Variants in MARK1 observed in about 807,000 individuals in gnomAD.
MARK1 encodes microtubule affinity regulating kinase 1, also known as serine/threonine-protein kinase MARK1.
In MARK1, 40 loss-of-function variants were observed where a neutral mutation model predicts 96.3. The ratio of observed to expected loss-of-function variants is 0.42; its 90% CI spans 0.32 to 0.54. MARK1 has a LOEUF of 0.54. Among genes scored for constraint, MARK1 ranks in the 20% least tolerant of loss-of-function variants. The pLI is 0.16. For missense variants in MARK1, 719 were observed against 984.6 expected (o/e 0.73, Z 3.61); for synonymous variants, 317 against 341.2 (o/e 0.93, Z 0.78).
At chr1:220,579,034 G>A (rs115071399) in intron 1 of MARK1, among the ~76,000 whole-genome samples, 2,015 of 152,044 alleles carry the variant, frequency 0.013, 37 homozygotes, top group African/African-American at 0.046. Flanking sequence ...TAGAGATGGG[G>A]TTTCACTGTT....
chr1:220,648,736 A>C (rs1668712316), intron 13 of MARK1, among the ~76,000 whole-genome samples: 1 of 152,250 alleles, frequency 6.6e-6, no homozygotes, highest in South Asian at 2.1e-4. Context: ...CAAAATTATG[A>C]GATTATCAAA....
chr1:220,592,349 A>C (rs902597449), intron 3 of MARK1, among the ~76,000 whole-genome samples: 2 of 151,880 alleles, frequency 1.3e-5, no homozygotes, highest in African/African-American at 2.4e-5. Flanking sequence ...GGAGAAGTCC[A>C]CTTGGCAAGG....
chr1:220,548,203 A>T (rs953598359), intron 1 of MARK1, among the ~76,000 whole-genome samples: 1 of 152,220 alleles, frequency 6.6e-6, no homozygotes, highest in Non-Finnish European at 1.5e-5. Context: ...AATTCTGGTC[A>T]TTTTTTGGTG....
At chr1:220,593,423 T>C (rs577643376) in intron 3 of MARK1, among the ~76,000 whole-genome samples, 1 of 152,324 alleles carries the variant, frequency 6.6e-6, no homozygotes, top group East Asian at 1.9e-4. Context: ...AAAAAATTAC[T>C]TGGTTACATT....
At chr1:220,563,068 G>T (rs1396467262) in intron 1 of MARK1, among the ~76,000 whole-genome samples, 1 of 152,108 alleles carries the variant, frequency 6.6e-6, no homozygotes, top group Non-Finnish European at 1.5e-5. Context: ...GGCCAGGGCT[G>T]TCTTTATTGC....
chr1:220,661,686 G>T (rs1450668668), intron 17 of MARK1, 126 bp from the exon 18 acceptor site: 2 of 647,236 alleles, frequency 3.1e-6, no homozygotes, highest in Non-Finnish European at 5.3e-6. Flanking sequence ...CCATCTGAGG[G>T]TGGTCTGCAA....
At chr1:220,619,865 G>A (rs886503053) in intron 9 of MARK1, among the ~76,000 whole-genome samples, 1 of 152,098 alleles carries the variant, frequency 6.6e-6, no homozygotes, top group Non-Finnish European at 1.5e-5. Flanking sequence ...TAATAGAAAG[G>A]GTAGAGAATT....
chr1:220,541,634 A>T (rs542284390), intron 1 of MARK1, among the ~76,000 whole-genome samples: 12 of 152,228 alleles, frequency 7.9e-5, no homozygotes, highest in Admixed American at 7.2e-4. Flanking sequence ...TCATGAATTG[A>T]TGCTTTTATC....
At chr1:220,625,539 TC>T (rs1558306761) in intron 9 of MARK1, among the ~76,000 whole-genome samples, 1 of 152,096 alleles carries the variant, frequency 6.6e-6, no homozygotes, top group Non-Finnish European at 1.5e-5. Flanking sequence ...AACAGAAAGG[TC>T]CCAGGCTTTA....
At chr1:220,528,910 C>A in intron 1 of MARK1, 37 bp downstream of exon 1, 1 of 1,531,952 alleles carries the variant, frequency 6.5e-7, no homozygotes, top group Non-Finnish European at 8.8e-7. Context: ...GCAGTGGGGG[C>A]GAGACCCTCC....
At chr1:220,589,803 A>G (rs916602736) in intron 3 of MARK1, among the ~76,000 whole-genome samples, 5 of 152,300 alleles carry the variant, frequency 3.3e-5, no homozygotes, top group East Asian at 1.9e-4. Context: ...AAAGAAAAAG[A>G]ACTGAAAATT....
rs138133604 is a variant in MARK1 at position 220,584,222 on chromosome 1, C to G, written c.309+3104C>G. ...TGTATTACTTATTAATTTACATTTT[C>G]TATTGTTTTACTGTGTTATATTATG... On this transcript the variant is annotated intron_variant, in intron 3 of 17. Transcript: ENST00000366917. 2.9e-3 allele frequency among the ~76,000 whole-genome samples: 435 copies of G among 152,170 alleles called. 5 individuals carry two copies. Among genetic ancestry groups the G allele is most frequent in the African/African-American group, 0.01 (418 of 41,524 alleles).
At chr1:220,535,289 T>G (rs1558241055) in intron 1 of MARK1, among the ~76,000 whole-genome samples, 1 of 152,166 alleles carries the variant, frequency 6.6e-6, no homozygotes, top group Non-Finnish European at 1.5e-5. Flanking sequence ...AAAGTAAATA[T>G]CTTACTGTGG....
chr1:220,539,811 A>G (rs901956522), intron 1 of MARK1, among the ~76,000 whole-genome samples: 3 of 151,216 alleles, frequency 2.0e-5, no homozygotes, highest in African/African-American at 4.9e-5. Context: ...ATTGATATGC[A>G]TTAGGGATAT....
At chr1:220,656,567 A>C (rs1006523230) in intron 16 of MARK1, among the ~76,000 whole-genome samples, 1 of 152,178 alleles carries the variant, frequency 6.6e-6, no homozygotes, top group African/African-American at 2.4e-5. Flanking sequence ...TGTGTATATC[A>C]GTTCATCTAC....
chr1:220,630,680 A>C (rs1271234542), intron 9 of MARK1, among the ~76,000 whole-genome samples: 1 of 152,244 alleles, frequency 6.6e-6, no homozygotes, highest in Non-Finnish European at 1.5e-5. Context: ...AAAACAGGAA[A>C]AAATTATAAT....
chr1:220,626,144 G>C lies in MARK1; in HGVS notation c.910-4891G>C. The C allele has an allele frequency of 4.9e-6, 3 of 615,676 alleles. No individual in the cohort carries two copies. The Admixed American group carries it at 5.9e-5, about 12-fold the overall frequency. 38.1% of individuals were successfully genotyped at this position (615,676 alleles called of 1,614,324 possible). A position where few individuals can be genotyped will look rare whatever the true frequency, so the allele number is the denominator to read the frequency against. ...ATAGACATCGCTGTGAATTGGGCTG[G>C]GGGCCTGAACCATGCCAAGAAGCCT... is the stretch of plus-strand genomic sequence containing the variant. On this transcript the variant is annotated intron_variant, in intron 9 of 17. Coordinates refer to ENST00000366917, the MANE Select transcript of MARK1 (RefSeq NM_018650.5).
Position 220,635,483 on chromosome 1 carries a change from G to T in MARK1, c.1230G>T (p.Gln410His). The change falls in exon 12 of 18, where the codon CAG (glutamine) becomes CAT (histidine). Residue 410 changes from glutamine to histidine, a missense_variant. By Grantham distance (24) the Gln-to-His change is conservative. Coordinates refer to ENST00000366917, the MANE Select transcript of MARK1 (RefSeq NM_018650.5). ...TLQSPAHLKV[Q>H]RSISANQKQR... is the part of the protein sequence containing the mutation. ...AGTCCCCTGCTCACCTGAAGGTCCA[G>T]AGAAGTATCTCAGCAAATCAGAAGC... The T allele has an allele frequency of 6.2e-7, 1 of 1,613,630 alleles. No homozygotes were observed. The highest frequency in any genetic ancestry group is 8.5e-7 in the Non-Finnish European group (1 of 1,179,902).
At chr1:220,568,208 A>T (rs1663198394) in intron 1 of MARK1, among the ~76,000 whole-genome samples, 1 of 152,150 alleles carries the variant, frequency 6.6e-6, no homozygotes, top group African/African-American at 2.4e-5. Flanking sequence ...GAGGGTGAGA[A>T]AACACTAATA....
Sources: gnomAD v4.1 joint callset for allele counts (sites outside exome capture counted in the v4.1 genomes callset) on GRCh38, gnomAD v4.1.1 for gene constraint, MANE v1.5 for transcripts, NCBI Gene and HGNC (gene_info 2026-07-23, HGNC 2026-07-21) for gene names.